Variants in SNX29 observed in about 807,000 individuals in gnomAD.
SNX29 encodes sorting nexin-29.
A neutral mutation model predicts 102.1 loss-of-function variants in SNX29; 78 were observed. The observed-to-expected ratio is 0.76, with a 90% CI of 0.64 to 0.92. The LOEUF is 0.92. SNX29 is among the 40% of genes least tolerant of loss of function. The probability of loss-of-function intolerance (pLI) is 0.00; values close to 1 mark genes in which losing one functional copy is unlikely to be tolerated. For synonymous variants in SNX29, 580 were observed against 414.5 expected (o/e 1.40, Z -4.85); for missense variants, 1,280 against 1,061.7 (o/e 1.21, Z -2.86).
At chr16:12,021,890 C>CAA (rs57936438) in intron 3 of SNX29, among the ~76,000 whole-genome samples, 7 of 127,994 alleles carry the variant, frequency 5.5e-5, no homozygotes, top group African/African-American at 1.7e-4. Flanking sequence ...GGCTCCATCT[C>CAA]AAAAAAAAAA....
At chr16:12,318,596 G>A (rs1403007390) in intron 15 of SNX29, among the ~76,000 whole-genome samples, 1 of 152,186 alleles carries the variant, frequency 6.6e-6, no homozygotes, top group Non-Finnish European at 1.5e-5. Context: ...CTCCTGGCTG[G>A]ACGCGGTGGC....
rs16959865 is a variant in SNX29, at chr16:12,542,805, T to A, written c.2318+17964T>A. 7.8e-4 allele frequency among the ~76,000 whole-genome samples: 119 copies of A among 151,666 alleles called. 1 individual carries two copies. The Middle Eastern group carries it at 0.01, about 13-fold the overall frequency. ...AGTATTAGTTAAATCAGCAAGTAAG[T>A]GAAGTTAAAGCATCCTGTAAGGTGT... is the stretch of plus-strand genomic sequence containing the variant. On this transcript the variant is annotated intron_variant, in intron 20 of 20. Transcript: ENST00000566228.
At chr16:12,278,126 G>A (rs1484314439) in intron 15 of SNX29, 90 bp downstream of exon 15, 5 of 1,160,404 alleles carry the variant, frequency 4.3e-6, no homozygotes, top group South Asian at 2.7e-5. Flanking sequence ...CTAAAGACAC[G>A]TGAGCAAAAC....
At chr16:12,079,407 CAACT>C (rs2051750355) in intron 11 of SNX29, among the ~76,000 whole-genome samples, 1 of 151,954 alleles carries the variant, frequency 6.6e-6, no homozygotes, top group Non-Finnish European at 1.5e-5. Flanking sequence ...AAGAATAAAC[CAACT>C]GTTATGTAAA....
intron 13 of SNX29, among the ~76,000 whole-genome samples, chr16:12,142,861 G>A (rs890919306): frequency 7.2e-5 from 11 of 151,906 alleles, no homozygotes; most frequent in Admixed American, 3.9e-4. Context: ...GCTTCTGGCC[G>A]ATATTGTTTA....
intron 15 of SNX29, among the ~76,000 whole-genome samples, chr16:12,352,010 G>A (rs1266917172): frequency 1.3e-5 from 2 of 152,088 alleles, no homozygotes; most frequent in African/African-American, 4.8e-5. Flanking sequence ...AGTTAAACTT[G>A]TATTTTGAGC....
intron 18 of SNX29, among the ~76,000 whole-genome samples, chr16:12,412,296 G>A (rs549571776): frequency 1.3e-5 from 2 of 152,350 alleles, no homozygotes; most frequent in African/African-American, 2.4e-5. Context: ...TCTGGGTCAT[G>A]CACAAGATCT....
intron 14 of SNX29, among the ~76,000 whole-genome samples, chr16:12,269,237 A>T (rs529332727): frequency 6.6e-6 from 1 of 152,322 alleles, no homozygotes; most frequent in African/African-American, 2.4e-5. Context: ...GAGTATAGGC[A>T]GGTAAGTAGA....
In SNX29 at chr16:12,043,092, T is replaced by C; in HGVS notation, c.428+15T>C. 6.2e-7 allele frequency: 1 copy of C among 1,612,484 alleles called. No homozygotes were observed. Reference sequence around the variant, plus strand: ...TGCAGGCTGAGGTACGTGGCCGGGATGCGAACTGGGATGGGATGGAGCAAG... The same window carrying C: ...TGCAGGCTGAGGTACGTGGCCGGGACGCGAACTGGGATGGGATGGAGCAAG... On this transcript the variant is annotated intron_variant, in intron 5 of 20. Coordinates refer to ENST00000566228, the MANE Select transcript of SNX29 (RefSeq NM_032167.5).
intron 15 of SNX29, among the ~76,000 whole-genome samples, chr16:12,298,765 T>G (rs1428782632): frequency 6.6e-6 from 1 of 152,078 alleles, no homozygotes; most frequent in Non-Finnish European, 1.5e-5. Context: ...GATGTGGGTG[T>G]CCCCAGGGGC....
chr16:11,983,796 A>C (rs1397824277), intron 1 of SNX29: 2 of 729,380 alleles, frequency 2.7e-6, no homozygotes, highest in African/African-American at 3.8e-5. Flanking sequence ...AATTGTGGCA[A>C]TGTGAGCATA....
intron 10 of SNX29, among the ~76,000 whole-genome samples, chr16:12,076,142 G>C (rs2051555273): frequency 6.6e-6 from 1 of 152,148 alleles, no homozygotes; most frequent in Non-Finnish European, 1.5e-5. Flanking sequence ...GCCTCACCCT[G>C]CTTTGGCTGG....
At chr16:12,126,485 C>G in intron 11 of SNX29, 148 bp from the exon 12 acceptor site, 2 of 770,562 alleles carry the variant, frequency 2.6e-6, no homozygotes, top group Non-Finnish European at 4.2e-6. Flanking sequence ...AGCCGAGTCT[C>G]TTAGACTGTT....
intron 19 of SNX29, among the ~76,000 whole-genome samples, chr16:12,512,476 C>A (rs186966911): frequency 1.6e-3 from 226 of 142,358 alleles, no homozygotes; most frequent in African/African-American, 5.6e-3. Context: ...TGCAGTGGTG[C>A]GATCTCAGCT....
At chr16:12,108,704 T>C (rs2053371035) in intron 11 of SNX29, among the ~76,000 whole-genome samples, 1 of 152,106 alleles carries the variant, frequency 6.6e-6, no homozygotes, top group Non-Finnish European at 1.5e-5. Context: ...AGAGTTATGC[T>C]GGTGGTGGCC....
At chr16:12,300,394 C>G (rs1047459017) in intron 15 of SNX29, among the ~76,000 whole-genome samples, 3 of 152,132 alleles carry the variant, frequency 2.0e-5, no homozygotes, top group Non-Finnish European at 4.4e-5. Context: ...CATCAGTGAT[C>G]AGCTTGGTGG....
chr16:12,344,462 T>C (rs915589544), intron 15 of SNX29, among the ~76,000 whole-genome samples: 1 of 152,212 alleles, frequency 6.6e-6, no homozygotes, highest in Non-Finnish European at 1.5e-5. Flanking sequence ...CTCTCTTGTT[T>C]GCTGCTGTAT....
At chr16:12,110,489 C>T (rs2053459688) in intron 11 of SNX29, among the ~76,000 whole-genome samples, 3 of 152,120 alleles carry the variant, frequency 2.0e-5, no homozygotes, top group Admixed American at 6.5e-5. Context: ...GCTTTTAGGG[C>T]CACCTTTTGG....
intron 13 of SNX29, among the ~76,000 whole-genome samples, chr16:12,197,195 A>G (rs1487136188): frequency 6.6e-6 from 1 of 152,210 alleles, no homozygotes; most frequent in East Asian, 1.9e-4. Context: ...TGATTTTAAG[A>G]TATGTGACTT....
Sources: gnomAD v4.1 joint callset for allele counts (sites outside exome capture counted in the v4.1 genomes callset) on GRCh38, gnomAD v4.1.1 for gene constraint, MANE v1.5 for transcripts, NCBI Gene and HGNC (gene_info 2026-07-23, HGNC 2026-07-21) for gene names.